Variants in GRAMD2B observed in about 807,000 individuals in gnomAD.
The protein encoded by GRAMD2B is GRAM domain containing 2B, also known as GRAM domain-containing protein 2B.
A neutral mutation model predicts 59.2 loss-of-function variants in GRAMD2B; 41 were observed. That is an observed-to-expected ratio of 0.69 (90% CI 0.54 to 0.90). The LOEUF (loss-of-function observed/expected upper bound fraction) is 0.90, where lower values mean the gene tolerates loss of function less well. Ranked by LOEUF, GRAMD2B falls within the 40% of genes least tolerant of loss-of-function variation. The probability of loss-of-function intolerance (pLI) is 0.00; values close to 1 mark genes in which losing one functional copy is unlikely to be tolerated. For synonymous variants in GRAMD2B, 161 were observed against 182.7 expected (o/e 0.88, Z 0.96); for missense variants, 424 against 500.5 (o/e 0.85, Z 1.46).
At chr5:126,423,364 C>T, upstream of GRAMD2B, 1 of 1,329,110 alleles carries the variant, frequency 7.5e-7, no homozygotes, top group Non-Finnish European at 9.6e-7. Flanking sequence ...TTCGCTTCGA[C>T]CCTCCCCTTC....
At chr5:126,432,281 A>C (rs1170584646) in intron 1 of GRAMD2B, among the ~76,000 whole-genome samples, 5 of 152,212 alleles carry the variant, frequency 3.3e-5, no homozygotes, top group South Asian at 2.1e-4. Context: ...TAAAGTCCAT[A>C]TATATCAGGT....
At chr5:126,481,734 G>T (rs900186914) in intron 8 of GRAMD2B, among the ~76,000 whole-genome samples, 1 of 152,126 alleles carries the variant, frequency 6.6e-6, no homozygotes, top group Non-Finnish European at 1.5e-5. Flanking sequence ...TTGGGAGGCC[G>T]AGGCGGGTGG....
At chr5:126,380,343 G>T (rs1209705715) in intron 1 of GRAMD2B, among the ~76,000 whole-genome samples, 1 of 152,070 alleles carries the variant, frequency 6.6e-6, no homozygotes, top group Non-Finnish European at 1.5e-5. Flanking sequence ...GTAATGTGAT[G>T]CCTCCATAAT....
chr5:126,425,894 G>C (rs1274211749), intron 1 of GRAMD2B, among the ~76,000 whole-genome samples: 1 of 152,198 alleles, frequency 6.6e-6, no homozygotes, highest in Non-Finnish European at 1.5e-5. Context: ...GAGTTGATCA[G>C]AGGGTACGAA....
intron 5 of GRAMD2B, among the ~76,000 whole-genome samples, chr5:126,476,769 A>G (rs1440888888): frequency 6.6e-6 from 1 of 152,218 alleles, no homozygotes; most frequent in Non-Finnish European, 1.5e-5. Flanking sequence ...TCTTTGTTGA[A>G]CCAGAAAAGT....
Position 126,423,509 on chromosome 5 carries a change from C to A in GRAMD2B, c.-98C>A, listed in dbSNP as rs889005292. On this transcript the variant is annotated 5_prime_UTR_variant, in exon 1 of 14. Coordinates refer to ENST00000285689, the MANE Select transcript of GRAMD2B (RefSeq NM_023927.4). ...GAGGGTGCAGGGGAGGGCACGGCGC[C>A]GCTTGCTTGGCCTGCGCACCCGGAC... 1 of 1,537,420 alleles carries A rather than the reference C, an allele frequency of 6.5e-7. No individual in the cohort carries two copies. Among genetic ancestry groups the A allele is most frequent in the Non-Finnish European group, 8.7e-7 (1 of 1,144,346 alleles).
intron 8 of GRAMD2B, among the ~76,000 whole-genome samples, chr5:126,482,603 A>G (rs1194573073): frequency 6.6e-6 from 1 of 152,250 alleles, no homozygotes; most frequent in African/African-American, 2.4e-5. Context: ...TAGGCATTCA[A>G]GAAATCATTA....
intron 1 of GRAMD2B, among the ~76,000 whole-genome samples, chr5:126,407,708 C>T (rs907705946): frequency 1.3e-5 from 2 of 151,992 alleles, no homozygotes; most frequent in African/African-American, 4.8e-5. Context: ...TGTCATAATA[C>T]TCCACACACC....
chr5:126,485,639 A>G (rs1158946510), intron 10 of GRAMD2B, 47 bp from the exon 11 acceptor site: 7 of 1,164,270 alleles, frequency 6.0e-6, no homozygotes, highest in South Asian at 1.3e-5. Flanking sequence ...GGATAAAAGA[A>G]GTGTGTTATG....
At chr5:126,464,550 T>C (rs572139196) in intron 1 of GRAMD2B, among the ~76,000 whole-genome samples, 3 of 152,318 alleles carry the variant, frequency 2.0e-5, no homozygotes, top group African/African-American at 7.2e-5. Flanking sequence ...TTGTTGGTTC[T>C]ATGCACAAAC....
At chr5:126,447,202 T>C (rs1443080987) in intron 1 of GRAMD2B, among the ~76,000 whole-genome samples, 1 of 152,216 alleles carries the variant, frequency 6.6e-6, no homozygotes, top group Non-Finnish European at 1.5e-5. Flanking sequence ...TACTTTAGTC[T>C]ACTGAATTAT....
chr5:126,489,477 C>T (rs973577668), intron 13 of GRAMD2B, among the ~76,000 whole-genome samples: 15 of 152,210 alleles, frequency 9.9e-5, no homozygotes, highest in South Asian at 6.2e-4. Flanking sequence ...GTCAGCAGAT[C>T]TGGAACCTGA....
At chr5:126,449,742 CA>C (rs1428828935) in intron 1 of GRAMD2B, among the ~76,000 whole-genome samples, 2 of 152,130 alleles carry the variant, frequency 1.3e-5, no homozygotes, top group Non-Finnish European at 2.9e-5. Flanking sequence ...GGCATTTAAG[CA>C]AAGAGAATTT....
chr5:126,484,305 C>G (rs926759303), intron 9 of GRAMD2B, 97 bp from the exon 10 acceptor site: 1 of 1,381,020 alleles, frequency 7.2e-7, no homozygotes, highest in Non-Finnish European at 9.9e-7. Flanking sequence ...ACATTCTTGA[C>G]CATTATGCAT....
intron 1 of GRAMD2B, among the ~76,000 whole-genome samples, chr5:126,432,312 G>T (rs1761702788): frequency 6.6e-6 from 1 of 152,146 alleles, no homozygotes; most frequent in Non-Finnish European, 1.5e-5. Flanking sequence ...ACCCATATTT[G>T]TTGTCTTTCA....
chr5:126,490,600 A>G (rs903330080), intron 13 of GRAMD2B, among the ~76,000 whole-genome samples: 5 of 152,222 alleles, frequency 3.3e-5, no homozygotes, highest in Non-Finnish European at 7.4e-5. Context: ...CACATTGCTC[A>G]AAAGAATCTA....
rs1215315718 is a variant in GRAMD2B at position 126,417,418 on chromosome 5, C to T, written c.125+45851C>T. On this transcript the variant is annotated intron_variant, in intron 1 of 8. Transcript: ENST00000506445. ...GGAGCACTGCACAGACACTGAAATG[C>T]TCAGCTAGCCTTCAGCTCTTCCAGC... Among the ~76,000 whole-genome samples, 5 of 152,242 alleles carry T rather than the reference C, an allele frequency of 3.3e-5. No homozygotes were observed. The East Asian group carries it at 9.6e-4, about 29-fold the overall frequency.
In GRAMD2B at chr5:126,389,130, ATGTCGTCTACATAACT is replaced by A. The variant is rs1336903403; in HGVS notation, c.125+17565_125+17580del. Among the ~76,000 whole-genome samples the A allele has an allele frequency of 3.3e-5, 5 of 152,194 alleles. No individual in the cohort carries two copies. The East Asian group carries it at 9.6e-4, about 29-fold the overall frequency. ...TCTTAGCCAGACTGCCTGAGCTCTA[ATGTCGTCTACATAACT>A]TATCATGTTGCACTTTAGTTTGCTC... On this transcript the variant is annotated intron_variant, in intron 1 of 8. Coordinates refer to the GRAMD2B transcript ENST00000506445.
intron 6 of GRAMD2B, among the ~76,000 whole-genome samples, chr5:126,479,791 A>G (rs561098038): frequency 2.2e-4 from 34 of 152,340 alleles, no homozygotes; most frequent in African/African-American, 7.9e-4. Flanking sequence ...TATGGCATAA[A>G]TAGATGGAAA....
Sources: allele counts gnomAD v4.1 joint callset (sites outside exome capture counted in the v4.1 genomes callset), GRCh38; gene constraint gnomAD v4.1.1; transcripts MANE v1.5; gene names NCBI Gene and HGNC (gene_info 2026-07-23, HGNC 2026-07-21).